SSBP2: variants seen among roughly 807,000 people sequenced by gnomAD.
SSBP2 encodes single stranded DNA binding protein 2, also known as single-stranded DNA-binding protein 2.
Under a neutral mutation model 61.8 loss-of-function variants are expected in SSBP2, and 17 were observed. That is an observed-to-expected ratio of 0.28 (90% CI 0.19 to 0.41). The LOEUF is 0.41. SSBP2 is among the 10% of genes least tolerant of loss of function. The pLI is 1.00. For missense variants in SSBP2, 310 were observed against 458.7 expected, an observed-to-expected ratio of 0.68 and a Z score of 2.96; for synonymous variants, 139 against 141.3, an observed-to-expected ratio of 0.98 and a Z score of 0.12.
intron 2 of SSBP2, among the ~76,000 whole-genome samples, chr5:81,644,904 TG>T (rs748681277): frequency 2.2e-4 from 34 of 152,194 alleles, no homozygotes; most frequent in Non-Finnish European, 4.0e-4. Flanking sequence ...AGTAGGATTA[TG>T]GGCCATCCAA....
At position 81,512,603 on chromosome 5, in the gene SSBP2, CATGTCCTAAAGG is replaced by C. The variant is rs1437380136; in HGVS notation, c.372+1013_372+1024del. 1.1e-4 allele frequency among the ~76,000 whole-genome samples: 16 copies of C among 152,228 alleles called. No homozygotes were observed. In the East Asian group the frequency reaches 3.1e-3, roughly 29 times the overall value. On this transcript the variant is annotated intron_variant, in intron 5 of 16. Coordinates refer to ENST00000320672, the MANE Select transcript of SSBP2 (RefSeq NM_012446.5). ...AATACAGAGTAGCTGAACAAATAAG[CATGTCCTAAAGG>C]ACTAGAGTTGGATCTCTGCTTTAAT...
Position 81,601,564 on chromosome 5 carries a change from C to T in SSBP2, c.282+13909G>A, listed in dbSNP as rs192990265. ...CATTGGGGGAACTAGGGAAAAGGTACATGAGATCTCTCTGTATTATTTCTT... is the reference window on the plus strand; with the variant it reads ...CATTGGGGGAACTAGGGAAAAGGTATATGAGATCTCTCTGTATTATTTCTT... On this transcript the variant is annotated intron_variant, in intron 4 of 16. Coordinates refer to ENST00000320672, the MANE Select transcript of SSBP2 (RefSeq NM_012446.5). 2.6e-5 allele frequency among the ~76,000 whole-genome samples: 4 copies of T among 152,274 alleles called. No homozygotes were observed. In the East Asian group the frequency reaches 7.7e-4, roughly 29 times the overall value.
chr5:81,747,571 G>A (rs1415859553), intron 1 of SSBP2, among the ~76,000 whole-genome samples: 2 of 152,198 alleles, frequency 1.3e-5, no homozygotes, highest in Non-Finnish European at 2.9e-5. Flanking sequence ...GCTAGAGAAT[G>A]TGAAACTCAA....
intron 4 of SSBP2, among the ~76,000 whole-genome samples, chr5:81,587,114 A>G (rs919305684): frequency 6.6e-6 from 1 of 151,958 alleles, no homozygotes; most frequent in Admixed American, 6.6e-5. Context: ...ATAAAGTTTC[A>G]CTATAATAAA....
rs952304632 is a variant in SSBP2 at position 81,582,107 on chromosome 5, G to A, written c.282+33366C>T. Among the ~76,000 whole-genome samples, 10 of 152,040 alleles carry A rather than the reference G, an allele frequency of 6.6e-5. No homozygotes were observed. The East Asian group carries it at 1.9e-3, about 29-fold the overall frequency. ...CAGTTTGTCTAAGTATTAGATTAAAGCTCTGGTTGTTTTGTCTAAGAAAAG... is the reference window on the plus strand; with the variant it reads ...CAGTTTGTCTAAGTATTAGATTAAAACTCTGGTTGTTTTGTCTAAGAAAAG... On this transcript the variant is annotated intron_variant, in intron 4 of 16. Coordinates refer to ENST00000320672, the MANE Select transcript of SSBP2 (RefSeq NM_012446.5).
intron 1 of SSBP2, 35 bp from the exon 2 acceptor site, chr5:81,650,374 AAT>A (rs751253571): frequency 7.2e-6 from 10 of 1,389,898 alleles, no homozygotes; most frequent in Non-Finnish European, 8.8e-6. Context: ...TGAGAAGAGG[AAT>A]ATTAAAATTC....
chr5:81,703,748 TAA>T (rs1754164209), intron 1 of SSBP2, among the ~76,000 whole-genome samples: 1 of 152,168 alleles, frequency 6.6e-6, no homozygotes, highest in African/African-American at 2.4e-5. Context: ...ACAAGACTAA[TAA>T]AGTCAATTTA....
At chr5:81,543,301 G>C (rs924942418) in intron 4 of SSBP2, among the ~76,000 whole-genome samples, 2 of 152,158 alleles carry the variant, frequency 1.3e-5, no homozygotes, top group African/African-American at 2.4e-5. Context: ...CCAGTCTTAG[G>C]TAGTATCTCT....
chr5:81,546,535 G>T, intron 4 of SSBP2, among the ~76,000 whole-genome samples: 1 of 152,082 alleles, frequency 6.6e-6, no homozygotes, highest in East Asian at 1.9e-4. Context: ...TAATGTTCAA[G>T]AGATTTAGTC....
At chr5:81,522,022 G>A (rs1355774123) in intron 4 of SSBP2, among the ~76,000 whole-genome samples, 1 of 151,942 alleles carries the variant, frequency 6.6e-6, no homozygotes, top group Non-Finnish European at 1.5e-5. Flanking sequence ...ATTTGACTAA[G>A]TGACCCTTCT....
intron 1 of SSBP2, among the ~76,000 whole-genome samples, chr5:81,672,129 T>C (rs1751622677): frequency 6.6e-6 from 1 of 152,174 alleles, no homozygotes; most frequent in Admixed American, 6.5e-5. Context: ...ATATTTATAG[T>C]GTTTTATAGC....
At chr5:81,712,867 G>C (rs1754893657) in intron 1 of SSBP2, among the ~76,000 whole-genome samples, 1 of 151,784 alleles carries the variant, frequency 6.6e-6, no homozygotes, top group Non-Finnish European at 1.5e-5. Context: ...GGGACTACAG[G>C]TATGCGCCAT....
At chr5:81,672,737 A>AT (rs1751674393) in intron 1 of SSBP2, among the ~76,000 whole-genome samples, 2 of 142,092 alleles carry the variant, frequency 1.4e-5, no homozygotes, top group Non-Finnish European at 3.2e-5. Flanking sequence ...ACATCCAGCT[A>AT]ATTTTTTTGT....
At chr5:81,472,797 C>CA (rs1245534914) in intron 8 of SSBP2, among the ~76,000 whole-genome samples, 1 of 152,094 alleles carries the variant, frequency 6.6e-6, no homozygotes, top group Non-Finnish European at 1.5e-5. Context: ...GACGGGGTTT[C>CA]ACTAGGTTGG....
intron 6 of SSBP2, among the ~76,000 whole-genome samples, chr5:81,482,449 T>C (rs954897718): frequency 2.0e-5 from 3 of 152,172 alleles, no homozygotes; most frequent in Non-Finnish European, 2.9e-5. Flanking sequence ...CTTCATCAAT[T>C]ATCTTAGCTA....
intron 4 of SSBP2, among the ~76,000 whole-genome samples, chr5:81,612,465 T>C (rs1034679251): frequency 6.6e-5 from 10 of 152,134 alleles, no homozygotes; most frequent in African/African-American, 2.4e-4. Context: ...GTAATATACA[T>C]AGACAAAAAT....
intron 1 of SSBP2, among the ~76,000 whole-genome samples, chr5:81,727,472 C>T (rs181860520): frequency 6.6e-6 from 1 of 152,170 alleles, no homozygotes; most frequent in African/African-American, 2.4e-5. Flanking sequence ...TCACTTGAAC[C>T]CAGGAGGCAG....
chr5:81,694,846 C>T (rs1002303163), intron 1 of SSBP2, among the ~76,000 whole-genome samples: 7 of 152,208 alleles, frequency 4.6e-5, no homozygotes, highest in African/African-American at 1.7e-4. Flanking sequence ...GGGCATGGTA[C>T]ATTCCTGTAC....
At chr5:81,432,062 A>G (rs1304316437) in intron 15 of SSBP2, among the ~76,000 whole-genome samples, 3 of 152,246 alleles carry the variant, frequency 2.0e-5, no homozygotes, top group African/African-American at 7.2e-5. Flanking sequence ...ACATTATTCT[A>G]AGTAGTGGAT....
Sources: allele counts gnomAD v4.1 joint callset (sites outside exome capture counted in the v4.1 genomes callset), GRCh38; gene constraint gnomAD v4.1.1; transcripts MANE v1.5; gene names NCBI Gene and HGNC (gene_info 2026-07-23, HGNC 2026-07-21).